BTBD2: variants seen among roughly 807,000 people sequenced by gnomAD.
BTBD2 encodes BTB/POZ domain-containing protein 2.
BTBD2 carries 15 observed loss-of-function variants against 44.0 expected under a neutral mutation model. That is an observed-to-expected ratio of 0.34 (90% CI 0.23 to 0.53). BTBD2 has a LOEUF of 0.53. Among genes scored for constraint, BTBD2 ranks in the 20% least tolerant of loss-of-function variants. BTBD2 has a pLI of 0.95. For synonymous variants in BTBD2, 443 were observed against 335.9 expected (o/e 1.32, Z -3.49); for missense variants, 657 against 746.4 (o/e 0.88, Z 1.39).
At chr19:2,006,949 C>T (rs961999665) in intron 1 of BTBD2, among the ~76,000 whole-genome samples, 2 of 152,132 alleles carry the variant, frequency 1.3e-5, no homozygotes, top group Non-Finnish European at 2.9e-5. Context: ...CCTCTGCTGC[C>T]CAGGTTCAAG....
chr19:2,000,059 C>T (rs950068006), intron 1 of BTBD2, among the ~76,000 whole-genome samples: 4 of 152,072 alleles, frequency 2.6e-5, no homozygotes, highest in African/African-American at 4.8e-5. Context: ...AGGCCAAGGA[C>T]GTCTGGAGTC....
chr19:1,990,413 C>G, intron 4 of BTBD2: 1 of 637,298 alleles, frequency 1.6e-6, no homozygotes, highest in South Asian at 1.9e-5. Flanking sequence ...TGTTTTTAAG[C>G]CACAAGGACA....
In BTBD2 at chr19:2,015,308, G is replaced by A. The variant is rs2016519923; in HGVS notation, c.396C>T (p.Ile132=). 1 of 1,563,822 alleles carries A rather than the reference G, an allele frequency of 6.4e-7. No individual in the cohort carries two copies. Among genetic ancestry groups the A allele is most frequent in the Non-Finnish European group, 8.6e-7 (1 of 1,162,092 alleles). ...LVGKGLSSQR[I]PAHRFVLAVG... is the part of the protein sequence containing the mutation. ...GTCGGGGCGCCCACCTGTGCGCGGG[G>A]ATGCGCTGCGAGCTGAGCCCCTTGC... The change falls in exon 1 of 9, where the codon ATC becomes ATT. Residue 132 remains isoleucine (I), a synonymous_variant. Transcript: ENST00000255608.
intron 1 of BTBD2, among the ~76,000 whole-genome samples, chr19:2,011,116 G>C (rs1337875859): frequency 6.6e-6 from 1 of 151,944 alleles, no homozygotes; most frequent in African/African-American, 2.4e-5. Flanking sequence ...CCCAGGTCCC[G>C]CCAACACATC....
In BTBD2 at chr19:1,986,522, T is replaced by C; in HGVS notation, c.1544A>G (p.Asp515Gly). 6.2e-7 allele frequency: 1 copy of C among 1,613,834 alleles called. No homozygotes were observed. The highest frequency in any genetic ancestry group is 8.5e-7 in the Non-Finnish European group (1 of 1,179,924). ...AGNNNGTSVE[D>G]GQIPEVIFYT The stretch of plus-strand genomic sequence containing the variant: ...GAAGATGACCTCGGGGATCTGGCCG[T>C]CCTCCACGGATGTGCCATTGTTGTT... The change falls in exon 9 of 9, where the codon GAC becomes GGC. Residue 515 changes from aspartate to glycine, a missense_variant. Transcript: ENST00000255608.
rs2016107398 is a variant in BTBD2, at chr19:1,987,504, T to C, written c.1177A>G (p.Ile393Val). The C allele has an allele frequency of 6.5e-7, 1 of 1,548,882 alleles. No individual in the cohort carries two copies. The highest frequency in any genetic ancestry group is 2.5e-5 in the East Asian group (1 of 40,350). ...CGCCTGCACCCCAAGCCCCACCTGA[T>C]GCGGTCACTGGTCCCGCTGTAGCCC... Reference protein sequence around the residue: ...RWGYSGTSDRIRFSVNKRIFV... With the variant: ...RWGYSGTSDRVRFSVNKRIFV... The change falls in exon 6 of 9, where the codon ATC (isoleucine) becomes GTC (valine). Residue 393 changes from isoleucine (I) to valine (V), a missense_variant. Around this residue, in one of 3 missense-constraint regions of BTBD2, gnomAD observed 449 missense variants for 510.9 expected, o/e 0.88. Transcript: ENST00000255608.
intron 2 of BTBD2, among the ~76,000 whole-genome samples, chr19:1,994,027 A>AT (rs2016218346): frequency 1.8e-5 from 2 of 113,642 alleles, no homozygotes; most frequent in Non-Finnish European, 3.5e-5. Context: ...AAAAAAAAAA[A>AT]GCAGCACAGG....
chr19:1,999,968 CAAA>C (rs5826753), intron 1 of BTBD2, among the ~76,000 whole-genome samples: 23 of 104,868 alleles, frequency 2.2e-4, no homozygotes, highest in Non-Finnish European at 2.9e-4. Flanking sequence ...GACTCCACCT[CAAA>C]AAAAAAAAAA....
Position 1,990,825 on chromosome 19 carries a change from G to A in BTBD2, c.685-3C>T. 1 of 1,560,806 alleles carries A rather than the reference G, an allele frequency of 6.4e-7. No individual in the cohort carries two copies. The highest frequency in any genetic ancestry group is 8.7e-7 in the Non-Finnish European group (1 of 1,155,824). On this transcript the variant is annotated splice_polypyrimidine_tract_variant and splice_region_variant and intron_variant, in intron 3 of 8. Transcript: ENST00000255608. ...TGCGGTTCATCGAAGAGTCGCGCCT[G>A]GCAAGAGACATCGACGGGGGGCGCG...
intron 5 of BTBD2, 163 bp downstream of exon 5, chr19:1,989,841 C>T (rs1456729286): frequency 1.7e-5 from 13 of 756,706 alleles, no homozygotes; most frequent in East Asian, 2.7e-5. Context: ...TAACAGATGG[C>T]CCTGTGGACG....
chr19:1,998,575 G>T (rs1212028998), intron 1 of BTBD2, among the ~76,000 whole-genome samples: 1 of 152,216 alleles, frequency 6.6e-6, no homozygotes, highest in East Asian at 1.9e-4. Flanking sequence ...CAGGCAGGAG[G>T]GTGCGGTGAG....
In BTBD2 at chr19:1,986,446, G is replaced by C. The variant is rs888456056; in HGVS notation, c.*42C>G. The C allele has an allele frequency of 5.6e-6, 9 of 1,605,424 alleles. No homozygotes were observed. The Admixed American group carries it at 1.0e-4, about 18-fold the overall frequency. ...GCAGCAGATGATGGCCTGGGGCTGC[G>C]GCTATCCCCACGGAGGGAGGGCGGT... is the stretch of plus-strand genomic sequence containing the variant. On this transcript the variant is annotated 3_prime_UTR_variant, in exon 9 of 9. Coordinates refer to ENST00000255608, the MANE Select transcript of BTBD2 (RefSeq NM_017797.4).
intron 1 of BTBD2, among the ~76,000 whole-genome samples, chr19:2,008,483 G>C (rs544639730): frequency 6.6e-6 from 1 of 150,468 alleles, no homozygotes; most frequent in Admixed American, 6.7e-5. Context: ...TACAGACAGA[G>C]TTTCACTATG....
At chr19:1,995,785 C>T (rs753816642) in intron 2 of BTBD2, among the ~76,000 whole-genome samples, 12 of 147,354 alleles carry the variant, frequency 8.1e-5, no homozygotes, top group East Asian at 2.0e-4. Context: ...TACGGGCGTC[C>T]GCCACCATGC....
rs1568214993 is a variant in BTBD2, at chr19:1,989,997, C to CT, written c.988+6dup. On this transcript the variant is annotated splice_region_variant and intron_variant, in intron 5 of 8. Coordinates refer to ENST00000255608, the MANE Select transcript of BTBD2 (RefSeq NM_017797.4). The stretch of plus-strand genomic sequence containing the variant: ...CCAAACCAGCCCCTGAGCCCGAGCT[C>CT]TGTTACCTGCAGCGAACTCCTCGAT... The CT allele has an allele frequency of 6.2e-7, 1 of 1,613,090 alleles. No individual in the cohort carries two copies. Among genetic ancestry groups the CT allele is most frequent in the East Asian group, 2.2e-5 (1 of 44,876 alleles).
chr19:2,010,009 A>G lies in BTBD2; in HGVS notation c.407+5288T>C, dbSNP rs569108806. On this transcript the variant is annotated intron_variant, in intron 1 of 8. Coordinates refer to ENST00000255608, the MANE Select transcript of BTBD2 (RefSeq NM_017797.4). Reference sequence around the variant, plus strand: ...TCTCTACTAAAAAATACAATTAGCCAAGTGTGGTGGCGGGTGCCTGTAGTC... The same window carrying G: ...TCTCTACTAAAAAATACAATTAGCCGAGTGTGGTGGCGGGTGCCTGTAGTC... 4.2e-3 allele frequency among the ~76,000 whole-genome samples: 636 copies of G among 151,516 alleles called. 4 individuals carry two copies. The highest frequency in any genetic ancestry group is 0.015 in the African/African-American group (599 of 41,260).
intron 2 of BTBD2, among the ~76,000 whole-genome samples, chr19:1,995,454 TTG>T (rs2016238702): frequency 6.8e-6 from 1 of 147,740 alleles, no homozygotes; most frequent in African/African-American, 2.5e-5. Flanking sequence ...GCTAATTTTT[TTG>T]TATTTTTAGT....
rs184046585 is a variant in BTBD2 at position 1,993,805 on chromosome 19, T to C, written c.528-629A>G. ...GAGGTCAAGAAGTGCCAGACCAGCCTGGCCAACATGGTGAAACCCCGTCTC... is the reference window on the plus strand; with the variant it reads ...GAGGTCAAGAAGTGCCAGACCAGCCCGGCCAACATGGTGAAACCCCGTCTC... On this transcript the variant is annotated intron_variant, in intron 2 of 8. Transcript: ENST00000255608. Among the ~76,000 whole-genome samples, 627 of 146,214 alleles carry C rather than the reference T, an allele frequency of 4.3e-3. 4 individuals carry two copies. The highest frequency in any genetic ancestry group is 0.015 in the African/African-American group (591 of 39,376).
chr19:2,011,852 A>AT (rs1013971595), intron 1 of BTBD2, among the ~76,000 whole-genome samples: 23 of 150,406 alleles, frequency 1.5e-4, no homozygotes, highest in Middle Eastern at 3.4e-3. Context: ...TTCTCCTTTT[A>AT]TTTTTTTTCC....
Sources: allele counts gnomAD v4.1 joint callset (sites outside exome capture counted in the v4.1 genomes callset), GRCh38; gene constraint gnomAD v4.1.1; regional missense constraint gnomAD v4.1.1; transcripts MANE v1.5; gene names NCBI Gene and HGNC (gene_info 2026-07-23, HGNC 2026-07-21).